The following ZNFX1 variants were observed in gnomAD, a reference collection of about 807,000 sequenced individuals.
ZNFX1 encodes NFX1-type zinc finger-containing protein 1.
ZNFX1 carries 78 observed loss-of-function variants against 179.8 expected under a neutral mutation model. That is an observed-to-expected ratio of 0.43 (90% CI 0.36 to 0.52). ZNFX1 has a LOEUF of 0.52. ZNFX1 is among the 20% of genes least tolerant of loss of function. The probability of loss-of-function intolerance (pLI) is 0.00; values close to 1 mark genes in which losing one functional copy is unlikely to be tolerated. For missense variants in ZNFX1, 1,927 were observed against 2,386.6 expected (o/e 0.81, Z 4.01); for synonymous variants, 848 against 868.5 (o/e 0.98, Z 0.42).
chr20:49,262,508 A>G (rs1981139622), intron 6 of ZNFX1, among the ~76,000 whole-genome samples: 1 of 152,078 alleles, frequency 6.6e-6, no homozygotes, highest in Non-Finnish European at 1.5e-5. Context: ...TTTATTACTG[A>G]ATGGCAACAA....
Position 49,248,803 on chromosome 20 carries a change from C to T in ZNFX1, c.4221G>A (p.Lys1407=), listed in dbSNP as rs149086752. 3,134 of 1,613,402 alleles carry T rather than the reference C, an allele frequency of 1.9e-3. 5 individuals carry two copies. Among genetic ancestry groups the T allele is most frequent in the Admixed American group, 2.5e-3 (151 of 60,004 alleles). ...ATTTTACCGGTTGACTGTGCCCACA[C>T]TTGAGTTTTATGGTGACCATTTCTG... ...LCSEMVTIKL[K]CGHSQPVKCG... Residue 1407 remains lysine (K), a synonymous_variant, in exon 14 of 14, where the codon AAG becomes AAA. Coordinates refer to ENST00000396105, the MANE Select transcript of ZNFX1 (RefSeq NM_021035.3). This position sits in a 1 kb window ranked among gnomAD's most constrained non-coding sequence, Gnocchi z 4.6.
chr20:49,261,914 G>A (rs1981122839), intron 6 of ZNFX1, among the ~76,000 whole-genome samples: 1 of 151,434 alleles, frequency 6.6e-6, no homozygotes, highest in African/African-American at 2.4e-5. Flanking sequence ...CCAAAGTGCT[G>A]GGATTACAGG....
rs1434337774 is a variant in ZNFX1, at chr20:49,263,385, C to T, written c.2250G>A (p.Gln750=). The T allele has an allele frequency of 4.3e-6, 7 of 1,614,032 alleles. No homozygotes were observed. The highest frequency in any genetic ancestry group is 5.9e-6 in the Non-Finnish European group (7 of 1,180,032). The part of the protein sequence containing the change: ...MRGVLREQYL[Q]KYISPQHWES... Reference sequence around the variant, plus strand: ...CCCAGTGCTGGGGTGAGATGTACTTCTGCAGGTACTGTTCCCGTAGGACAC... The same window carrying T: ...CCCAGTGCTGGGGTGAGATGTACTTTTGCAGGTACTGTTCCCGTAGGACAC... The change falls in exon 6 of 14, where the codon CAG becomes CAA. Residue 750 remains glutamine, a synonymous_variant. Coordinates refer to ENST00000396105, the MANE Select transcript of ZNFX1 (RefSeq NM_021035.3).
chr20:49,254,569 C>G lies in ZNFX1; in HGVS notation c.2885G>C (p.Arg962Thr). 6.2e-7 allele frequency: 1 copy of G among 1,614,194 alleles called. No individual in the cohort carries two copies. The highest frequency in any genetic ancestry group is 2.2e-5 in the East Asian group (1 of 44,882). ...TTCCTGGAGTCTCAGCTCGGCCATT[C>G]TTTCTGCTGATGTGCGGTACTGGCG... ...YERQYRTSAERMAELRLQEDL... is the reference protein window; with the variant it reads ...YERQYRTSAETMAELRLQEDL... Residue 962 changes from arginine (R) to threonine (T), a missense_variant, in exon 10 of 14, where the codon AGA (arginine) becomes ACA (threonine). By Grantham distance (71) the Arg-to-Thr change is moderately conservative. Transcript: ENST00000396105.
chr20:49,249,018 C>CTA lies in ZNFX1; in HGVS notation c.4005_4006insTA (p.Val1336Ter). On this transcript the variant is annotated frameshift_variant, in exon 14 of 14. Coordinates refer to ENST00000396105, the MANE Select transcript of ZNFX1 (RefSeq NM_021035.3). LOFTEE classifies it high-confidence loss of function. ...CAAGGCTGACACTCCTGGAAGCAAA[C>CTA]AAGGGGACACCGGTGCCCTTCCTGA... The CTA allele has an allele frequency of 6.2e-7, 1 of 1,614,236 alleles. No individual in the cohort carries two copies. Among genetic ancestry groups the CTA allele is most frequent in the Non-Finnish European group, 8.5e-7 (1 of 1,180,040 alleles).
rs750460468 is a variant in ZNFX1 at position 49,247,582 on chromosome 20, T to G, written c.5442A>C (p.Glu1814Asp). Residue 1814 changes from glutamate (E) to aspartate (D), a missense_variant, in exon 14 of 14, where the codon GAA becomes GAC. Physicochemically the swap from Glu to Asp is conservative, Grantham distance 45 (BLOSUM62 2). Transcript: ENST00000396105. ...EDEQLVQEKM[E>D]ALKATLPCSG... The stretch of plus-strand genomic sequence containing the variant: ...AGCAGGGAAGGGTGGCTTTCAGAGC[T>G]TCCATCTTTTCCTGCACAAGTTGTT... The G allele has an allele frequency of 2.5e-6, 4 of 1,614,242 alleles. No homozygotes were observed. The Admixed American group carries it at 5.0e-5, about 20-fold the overall frequency.
chr20:49,253,018 T>G (rs113189076), intron 11 of ZNFX1, among the ~76,000 whole-genome samples, 188 bp from the exon 12 acceptor site: 16 of 152,198 alleles, frequency 1.1e-4, no homozygotes, highest in African/African-American at 3.9e-4. Flanking sequence ...AAAGGTGATA[T>G]GACAGAGTGC....
chr20:49,277,611 G>GCGA (rs1981612939), intron 1 of ZNFX1, among the ~76,000 whole-genome samples: 1 of 151,614 alleles, frequency 6.6e-6, no homozygotes, highest in South Asian at 2.1e-4. Flanking sequence ...GCTGGGGAGA[G>GCGA]CGACGGGCCA....
chr20:49,249,894 A>G (rs748131888), intron 13 of ZNFX1, among the ~76,000 whole-genome samples, 183 bp from the exon 14 acceptor site: 1 of 152,210 alleles, frequency 6.6e-6, no homozygotes, highest in African/African-American at 2.4e-5. Flanking sequence ...TTTTGGGGCC[A>G]CAGCAAGTTA....
intron 12 of ZNFX1, among the ~76,000 whole-genome samples, chr20:49,251,880 G>C (rs997948708): frequency 6.6e-6 from 1 of 151,148 alleles, no homozygotes; most frequent in Admixed American, 6.6e-5. Context: ...CCAAGGCTGG[G>C]GTGCAGTGGC....
intron 3 of ZNFX1, among the ~76,000 whole-genome samples, chr20:49,266,667 C>A (rs1324870866): frequency 8.6e-6 from 1 of 116,528 alleles, no homozygotes. Flanking sequence ...CCATCCCCCC[C>A]ACCCCCCCCT....
intron 8 of ZNFX1, among the ~76,000 whole-genome samples, chr20:49,256,890 G>A (rs1197901438): frequency 1.3e-5 from 2 of 152,178 alleles, no homozygotes; most frequent in South Asian, 2.1e-4. Flanking sequence ...TAAACAGTGA[G>A]GACTACTAGG....
intron 2 of ZNFX1, among the ~76,000 whole-genome samples, chr20:49,273,688 G>C (rs1981481782): frequency 6.6e-6 from 1 of 152,096 alleles, no homozygotes; most frequent in East Asian, 1.9e-4. Context: ...CCAGCACTTT[G>C]GGAGGCTAAG....
Position 49,249,708 on chromosome 20 carries a change from C to G in ZNFX1, c.3316G>C (p.Val1106Leu), listed in dbSNP as rs763383024. ...SVLKYEKIKG[V>L]SSNLFFVEHN... ...TCTACAAAGAAAAGGTTGGAAGACA[C>G]CCCCTGACAGGGAAAAGAAGTGACA... is the stretch of plus-strand genomic sequence containing the variant. The change falls in exon 14 of 14, where the codon GTG becomes CTG. Residue 1106 changes from valine (V) to leucine (L), a missense_variant. Val to Leu is a conservative substitution (Grantham distance 32). Transcript: ENST00000396105. The G allele has an allele frequency of 6.2e-7, 1 of 1,606,588 alleles. No individual in the cohort carries two copies. Among genetic ancestry groups the G allele is most frequent in the African/African-American group, 1.3e-5 (1 of 74,822 alleles).
At position 49,260,712 on chromosome 20, in the gene ZNFX1, CAGGA is replaced by C; in HGVS notation, c.2302-139_2302-136del. ...ATCCCAGCAATTTGGAAGGCCAAGG[CAGGA>C]AGACTGCCTGAGCCCAGAAATTCAA... On this transcript the variant is annotated intron_variant, in intron 6 of 13. Transcript: ENST00000396105. 6.8e-6 allele frequency: 4 copies of C among 590,164 alleles called. No homozygotes were observed. The East Asian group carries it at 1.2e-4, about 18-fold the overall frequency. 36.6% of individuals were successfully genotyped at this position (590,164 alleles called of 1,614,324 possible). A position where few individuals can be genotyped will look rare whatever the true frequency, so the allele number is the denominator to read the frequency against.
chr20:49,271,578 A>T lies in ZNFX1; in HGVS notation c.234T>A (p.His78Gln), dbSNP rs1467886443. The change falls in exon 3 of 14, where the codon CAT becomes CAA. Residue 78 changes from histidine to glutamine, a missense_variant. Physicochemically the swap from His to Gln is conservative, Grantham distance 24. Transcript: ENST00000396105. ...ERFRAMGRNP[H>Q]QGRRNQEGHA... ...GCCCCTCCTGGTTCCTCCTTCCTTGATGTGGGTTCCTGCCCATGGCCCTAA... is the reference window on the plus strand; with the variant it reads ...GCCCCTCCTGGTTCCTCCTTCCTTGTTGTGGGTTCCTGCCCATGGCCCTAA... 6.2e-7 allele frequency: 1 copy of T among 1,613,906 alleles called. No individual in the cohort carries two copies. Among genetic ancestry groups the T allele is most frequent in the Non-Finnish European group, 8.5e-7 (1 of 1,180,006 alleles).
intron 9 of ZNFX1, among the ~76,000 whole-genome samples, chr20:49,255,364 T>C (rs1178370485): frequency 2.0e-5 from 3 of 151,502 alleles, no homozygotes; most frequent in South Asian, 4.2e-4. Flanking sequence ...TTTTTTTTTT[T>C]CCTGTAGAGA....
intron 2 of ZNFX1, among the ~76,000 whole-genome samples, chr20:49,274,983 C>T (rs921513535): frequency 2.6e-5 from 4 of 151,080 alleles, no homozygotes; most frequent in African/African-American, 4.9e-5. Flanking sequence ...ATTAGCCGGG[C>T]GTGGTGGTGG....
chr20:49,272,577 A>G (rs173203), intron 2 of ZNFX1, among the ~76,000 whole-genome samples: 152,103 of 152,348 alleles, frequency 1, 75,930 homozygotes, highest in Middle Eastern at 1. Flanking sequence ...ACTAGTAGCA[A>G]TAATTGGGAA....
Sources: allele counts gnomAD v4.1 joint callset (sites outside exome capture counted in the v4.1 genomes callset), GRCh38; gene constraint gnomAD v4.1.1; non-coding constraint Gnocchi (gnomAD v3.1); transcripts MANE v1.5; gene names NCBI Gene and HGNC (gene_info 2026-07-23, HGNC 2026-07-21).